SRP72: variants seen among roughly 807,000 people sequenced by gnomAD.
SRP72 encodes signal recognition particle 72.
SRP72 carries 49 observed loss-of-function variants against 96.3 expected under a neutral mutation model. That is an observed-to-expected ratio of 0.51 (90% CI 0.40 to 0.65). The LOEUF (loss-of-function observed/expected upper bound fraction) is 0.65. Among genes scored for constraint, SRP72 ranks in the 30% least tolerant of loss-of-function variants. SRP72 has a pLI of 0.00. For missense variants in SRP72, 736 were observed against 793.3 expected (o/e 0.93, Z 0.87); for synonymous variants, 267 against 275.2 (o/e 0.97, Z 0.30).
chr4:56,485,692 C>T (rs1367465737), intron 10 of SRP72, among the ~76,000 whole-genome samples: 3 of 152,000 alleles, frequency 2.0e-5, no homozygotes, highest in East Asian at 1.9e-4. Flanking sequence ...ATTCCAACTA[C>T]GTGGGAGGCT....
Position 56,474,123 on chromosome 4 carries a change from G to A in SRP72, c.424G>A (p.Asp142Asn). ...AGATCTCGTCCGAAACTCCCAAGAT[G>A]ATTATGATGAGGAGAGGAAAACAAA... ...YRDLVRNSQDDYDEERKTNLS... is the reference protein window; with the variant it reads ...YRDLVRNSQDNYDEERKTNLS... The change falls in exon 4 of 19, where the codon GAT (aspartate) becomes AAT (asparagine). Residue 142 changes from aspartate (D) to asparagine (N), a missense_variant. Transcript: ENST00000642900. 1 of 1,614,192 alleles carries A rather than the reference G, an allele frequency of 6.2e-7. No homozygotes were observed. Among genetic ancestry groups the A allele is most frequent in the Non-Finnish European group, 8.5e-7 (1 of 1,180,040 alleles).
chr4:56,492,352 G>A (rs1720939011), intron 16 of SRP72, among the ~76,000 whole-genome samples: 2 of 151,926 alleles, frequency 1.3e-5, no homozygotes, highest in South Asian at 4.1e-4. Flanking sequence ...AAGGTTAGTC[G>A]GCTTCATCTA....
In SRP72 at chr4:56,467,642, A is replaced by G. The variant is rs1719782337; in HGVS notation, c.7A>G (p.Ser3Gly). The G allele has an allele frequency of 3.2e-6, 5 of 1,557,560 alleles. No individual in the cohort carries two copies. The highest frequency in any genetic ancestry group is 2.3e-5 in the South Asian group (2 of 85,266). ...GCCCCTCGTCTCCTCCAAGATGGCG[A>G]GCGGCGGCAGCGGGGGGGTGTCAGT... Reference protein sequence around the residue: MASGGSGGVSVPA... With the variant: MAGGGSGGVSVPA... Residue 3 changes from serine to glycine, a missense_variant, in exon 1 of 19, where the codon AGC becomes GGC. Coordinates refer to ENST00000642900, the MANE Select transcript of SRP72 (RefSeq NM_006947.4).
chr4:56,502,059 T>C lies in SRP72; in HGVS notation c.*198T>C, dbSNP rs1721278369. 3.4e-6 allele frequency: 2 copies of C among 582,532 alleles called. No homozygotes were observed. Among genetic ancestry groups the C allele is most frequent in the Non-Finnish European group, 6.2e-6 (2 of 324,532 alleles). 36.1% of individuals were successfully genotyped at this position (582,532 alleles called of 1,614,324 possible). A position where few individuals can be genotyped will look rare whatever the true frequency, so the allele number is the denominator to read the frequency against. On this transcript the variant is annotated 3_prime_UTR_variant, in exon 19 of 19. Transcript: ENST00000642900. ...TGGCCTACTGGTTGCCTCATAGCTTTGTACAGATTATGAGGACTGAAAATA... is the reference window on the plus strand; with the variant it reads ...TGGCCTACTGGTTGCCTCATAGCTTCGTACAGATTATGAGGACTGAAAATA...
At chr4:56,479,658 A>T (rs187810784) in intron 8 of SRP72, among the ~76,000 whole-genome samples, 1 of 151,586 alleles carries the variant, frequency 6.6e-6, no homozygotes, top group African/African-American at 2.4e-5. Context: ...TTAAAAAAAA[A>T]TTTGTAGAGA....
chr4:56,473,484 C>T (rs1720066664), intron 3 of SRP72, among the ~76,000 whole-genome samples: 1 of 149,562 alleles, frequency 6.7e-6, no homozygotes, highest in Non-Finnish European at 1.5e-5. Flanking sequence ...AATCAGTTTT[C>T]TGGGTCGGGT....
intron 2 of SRP72, 73 bp downstream of exon 2, chr4:56,469,846 T>C: frequency 7.4e-7 from 1 of 1,345,004 alleles, no homozygotes; most frequent in Non-Finnish European, 9.8e-7. Flanking sequence ...TCCATGTTTT[T>C]TCCCAACTAT....
At chr4:56,473,190 A>G (rs1337432142) in intron 3 of SRP72, among the ~76,000 whole-genome samples, 1 of 152,122 alleles carries the variant, frequency 6.6e-6, no homozygotes, top group African/African-American at 2.4e-5. Context: ...TCAAGAAGAA[A>G]GGTAAAGAAA....
At chr4:56,496,447 C>T (rs1386758078) in intron 17 of SRP72, among the ~76,000 whole-genome samples, 2 of 152,084 alleles carry the variant, frequency 1.3e-5, no homozygotes, top group Admixed American at 1.3e-4. Flanking sequence ...CTTATTGGTT[C>T]TTTTGTCACA....
chr4:56,471,233 G>A (rs1719960714), intron 2 of SRP72, among the ~76,000 whole-genome samples: 1 of 152,210 alleles, frequency 6.6e-6, no homozygotes, highest in African/African-American at 2.4e-5. Flanking sequence ...ATTTTTAAGT[G>A]TGTGTATGTT....
At chr4:56,479,311 C>G (rs944607851) in intron 8 of SRP72, among the ~76,000 whole-genome samples, 1 of 152,034 alleles carries the variant, frequency 6.6e-6, no homozygotes, top group Admixed American at 6.6e-5. Flanking sequence ...TCCCAAGTAG[C>G]TGGGACTACA....
chr4:56,474,490 G>A (rs779035438), intron 5 of SRP72, 99 bp downstream of exon 5: 2 of 1,022,546 alleles, frequency 2.0e-6, no homozygotes, highest in South Asian at 3.2e-5. Context: ...TTATTAAATG[G>A]AAGTTATTGA....
chr4:56,476,777 A>G, intron 6 of SRP72, 75 bp downstream of exon 6: 1 of 1,483,644 alleles, frequency 6.7e-7, no homozygotes, highest in Non-Finnish European at 9.3e-7. Flanking sequence ...TCATTGTACT[A>G]TTTATTGACT....
At chr4:56,494,080 T>C (rs1720997605) in intron 16 of SRP72, among the ~76,000 whole-genome samples, 1 of 152,082 alleles carries the variant, frequency 6.6e-6, no homozygotes, top group Admixed American at 6.6e-5. Context: ...AAGGGTGAGC[T>C]AAGGCAGAGA....
intron 6 of SRP72, among the ~76,000 whole-genome samples, chr4:56,477,497 A>G (rs1270189548): frequency 6.6e-6 from 1 of 151,438 alleles, no homozygotes; most frequent in Non-Finnish European, 1.5e-5. Flanking sequence ...CTGTGTTGAC[A>G]AGTTTGGCTT....
chr4:56,484,975 G>T (rs1720650371), intron 10 of SRP72, 111 bp downstream of exon 10: 7 of 1,281,576 alleles, frequency 5.5e-6, no homozygotes, highest in Non-Finnish European at 7.2e-6. Context: ...AATCAGAAAT[G>T]TACCACTACA....
intron 13 of SRP72, 25 bp downstream of exon 13, chr4:56,489,508 T>C (rs1206815654): frequency 7.2e-7 from 1 of 1,398,280 alleles, no homozygotes; most frequent in East Asian, 2.3e-5. Context: ...TAAAATGTTA[T>C]GAGAGCATGT....
chr4:56,496,133 C>T (rs1307917262), intron 17 of SRP72, among the ~76,000 whole-genome samples: 8 of 152,064 alleles, frequency 5.3e-5, no homozygotes, highest in South Asian at 2.1e-4. Flanking sequence ...GTGGCATTAC[C>T]GTGCTTGATT....
chr4:56,485,400 C>CCAA lies in SRP72; in HGVS notation c.1086+536_1086+537insCAA, dbSNP rs766330733. ...GACACCGCCCCTTCTCTCCCCACAG[C>CCAA]AAAAAAAAAAAAAAAAAAAAATCTA... On this transcript the variant is annotated intron_variant, in intron 10 of 18. Coordinates refer to ENST00000642900, the MANE Select transcript of SRP72 (RefSeq NM_006947.4). 1.4e-3 allele frequency among the ~76,000 whole-genome samples: 126 copies of CCAA among 92,426 alleles called. 1 individual carries two copies. The highest frequency in any genetic ancestry group is 2.0e-3 in the East Asian group (8 of 4,086). 60.6% of individuals were successfully genotyped at this position (92,426 alleles called of 152,430 possible).
Sources: allele counts gnomAD v4.1 joint callset (sites outside exome capture counted in the v4.1 genomes callset), GRCh38; gene constraint gnomAD v4.1.1; transcripts MANE v1.5; gene names NCBI Gene and HGNC (gene_info 2026-07-23, HGNC 2026-07-21).